Variants in ZNF83 observed in about 807,000 individuals in gnomAD.
ZNF83 encodes zinc finger protein 816B.
For missense variants in ZNF83, 552 were observed against 629.9 expected, an observed-to-expected ratio of 0.88 and a Z score of 1.32; for synonymous variants, 209 against 213.0, an observed-to-expected ratio of 0.98 and a Z score of 0.17.
At chr19:52,677,143 A>G (rs9710431) in intron 1 of ZNF83, among the ~76,000 whole-genome samples, 20 of 140,454 alleles carry the variant, frequency 1.4e-4, no homozygotes, top group Middle Eastern at 3.5e-3. Flanking sequence ...AAAGAAAAAA[A>G]GAAAAAAAAA....
rs75857698 is a variant in ZNF83, at chr19:52,613,687, T to A, written c.878A>T (p.Glu293Val). ...CTTGTGACTGAAGACCTTGCCACACTCATTACATTTGTAAGGTTTCTCTCC... is the reference window on the plus strand; with the variant it reads ...CTTGTGACTGAAGACCTTGCCACACACATTACATTTGTAAGGTTTCTCTCC... The change falls in exon 3 of 3, where the codon GAG becomes GTG. Residue 293 changes from glutamate to valine, a missense_variant. Transcript: ENST00000301096. 3.1e-3 allele frequency: 3,295 copies of A among 1,075,932 alleles called. 172 individuals are homozygous for A. Among genetic ancestry groups the A allele is most frequent in the Middle Eastern group, 0.015 (77 of 4,998 alleles). 66.6% of individuals were successfully genotyped at this position (1,075,932 alleles called of 1,614,324 possible).
intron 1 of ZNF83, among the ~76,000 whole-genome samples, chr19:52,663,445 C>A (rs1235275141): frequency 6.6e-6 from 1 of 152,176 alleles, no homozygotes; most frequent in Non-Finnish European, 1.5e-5. Context: ...TCCAGCCCAT[C>A]CTTCAACATC....
chr19:52,637,786 C>T (rs10415222), intron 1 of ZNF83, among the ~76,000 whole-genome samples: 207 of 152,244 alleles, frequency 1.4e-3, no homozygotes, highest in African/African-American at 4.7e-3. Context: ...ACCTCCCCAA[C>T]GCGGGTTCAG....
intron 2 of ZNF83, among the ~76,000 whole-genome samples, chr19:52,623,867 A>G (rs548919135): frequency 1.3e-5 from 2 of 152,304 alleles, no homozygotes; most frequent in South Asian, 4.1e-4. Flanking sequence ...TTGGTTCAGG[A>G]TCTGTGCCTT....
At chr19:52,657,499 G>A (rs1001352815) in intron 2 of ZNF83, among the ~76,000 whole-genome samples, 20 of 148,384 alleles carry the variant, frequency 1.3e-4, no homozygotes, top group African/African-American at 4.8e-4. Flanking sequence ...CTGCACTCCA[G>A]CCTGGGTGAC....
intron 1 of ZNF83, among the ~76,000 whole-genome samples, chr19:52,678,458 A>AG (rs1042363061): frequency 3.3e-5 from 5 of 151,456 alleles, no homozygotes; most frequent in Admixed American, 3.3e-4. Flanking sequence ...TCAAAAAAAA[A>AG]AAAAAAGAAA....
chr19:52,640,871 C>T (rs2061294120), upstream of ZNF83, among the ~76,000 whole-genome samples: 1 of 152,172 alleles, frequency 6.6e-6, no homozygotes, highest in Non-Finnish European at 1.5e-5. Flanking sequence ...GTCTGAAACA[C>T]TAACTTGAAA....
intron 2 of ZNF83, among the ~76,000 whole-genome samples, chr19:52,658,371 G>A (rs2061534796): frequency 6.6e-6 from 1 of 152,156 alleles, no homozygotes; most frequent in Non-Finnish European, 1.5e-5. Context: ...TTCATGACCG[G>A]CCTGGCCAAC....
chr19:52,656,224 CTCTA>C (rs1568567241), intron 2 of ZNF83, among the ~76,000 whole-genome samples: 1 of 124,504 alleles, frequency 8.0e-6, no homozygotes. Context: ...CTCTCTCTCT[CTCTA>C]TATATATATA....
At chr19:52,690,088 A>G (rs1338190707) in intron 1 of ZNF83, among the ~76,000 whole-genome samples, 1 of 151,696 alleles carries the variant, frequency 6.6e-6, no homozygotes, top group Admixed American at 6.6e-5. Flanking sequence ...GAGGCCGACA[A>G]GGGCAAGGCT....
At chr19:52,658,968 G>C (rs576060978) in intron 2 of ZNF83, among the ~76,000 whole-genome samples, 2 of 152,144 alleles carry the variant, frequency 1.3e-5, no homozygotes, top group African/African-American at 4.8e-5. Context: ...CCTGGAGTGC[G>C]AGCTGCTCAG....
At chr19:52,636,059 G>A (rs181007320) in intron 1 of ZNF83, 2 of 151,310 alleles carry the variant, frequency 1.3e-5, no homozygotes, top group African/African-American at 2.4e-5. Context: ...TACTCTGGGC[G>A]GCCAAGGCAG....
exon 3 of ZNF83, chr19:52,613,501 C>A: frequency 1.2e-6 from 2 of 1,614,162 alleles, no homozygotes; most frequent in Non-Finnish European, 1.7e-6. Flanking sequence ...TGAATTGCGA[C>A]TGAAGACCTT....
intron 1 of ZNF83, among the ~76,000 whole-genome samples, chr19:52,680,644 GCT>G (rs2061894662): frequency 1.8e-5 from 2 of 112,864 alleles, no homozygotes; most frequent in Non-Finnish European, 3.3e-5. Flanking sequence ...ACGGAGTCTC[GCT>G]CTGTCGCCCA....
At chr19:52,675,504 A>G (rs2869086) in intron 1 of ZNF83, among the ~76,000 whole-genome samples, 46,283 of 151,074 alleles carry the variant, frequency 0.31, 7,503 homozygotes, top group African/African-American at 0.4. Context: ...GAGTCATCAT[A>G]CCCTGCACAC....
chr19:52,613,136 CATG>C (rs767587087), exon 3 of ZNF83: 1 of 1,611,770 alleles, frequency 6.2e-7, no homozygotes, highest in Non-Finnish European at 8.5e-7. Context: ...GTGTGGATCG[CATG>C]ATGATTAGTG....
chr19:52,682,485 A>G (rs1266190965), intron 1 of ZNF83, among the ~76,000 whole-genome samples: 1 of 152,126 alleles, frequency 6.6e-6, no homozygotes, highest in African/African-American at 2.4e-5. Flanking sequence ...AGCCTGGCCA[A>G]CATGGTGAAA....
intron 1 of ZNF83, among the ~76,000 whole-genome samples, chr19:52,687,552 GTGTA>G (rs2062052362): frequency 4.8e-5 from 1 of 20,944 alleles, no homozygotes; most frequent in African/African-American, 2.3e-4. Flanking sequence ...TAAATTATAT[GTGTA>G]AATTTTATAT....
chr19:52,668,203 A>G (rs2061679969), intron 1 of ZNF83, among the ~76,000 whole-genome samples: 1 of 152,164 alleles, frequency 6.6e-6, no homozygotes, highest in Non-Finnish European at 1.5e-5. Flanking sequence ...GAAAGAATGG[A>G]AACTCGAGCC....
Sources: gnomAD v4.1 joint callset for allele counts (sites outside exome capture counted in the v4.1 genomes callset) on GRCh38, gnomAD v4.1.1 for gene constraint, MANE v1.5 for transcripts, NCBI Gene and HGNC (gene_info 2026-07-23, HGNC 2026-07-21) for gene names.